The following RBM33 variants were observed in gnomAD, a reference collection of about 807,000 sequenced individuals.
RBM33 encodes the protein RNA-binding protein 33.
In RBM33, 28 loss-of-function variants were observed where a neutral mutation model predicts 132.6. The observed-to-expected ratio is 0.21, with a 90% CI of 0.16 to 0.29. The LOEUF (loss-of-function observed/expected upper bound fraction) is 0.29. Among genes scored for constraint, RBM33 ranks in the 10% least tolerant of loss-of-function variants. The pLI is 1.00. For synonymous variants in RBM33, 634 were observed against 593.0 expected (o/e 1.07, Z -1.01); for missense variants, 1,291 against 1,518.5 (o/e 0.85, Z 2.49).
chr7:155,777,778 G>A lies in RBM33; in HGVS notation c.*2737G>A, dbSNP rs1327928509. On this transcript the variant is annotated 3_prime_UTR_variant, in exon 18 of 18. Coordinates refer to ENST00000401878, the MANE Select transcript of RBM33 (RefSeq NM_053043.3). ...TAATGGATACAGTTCCACAGTTGTT[G>A]ATGTGTTTGTGTGTATATTCGATTT... is the stretch of plus-strand genomic sequence containing the variant. 1 of 152,626 alleles carries A rather than the reference G, an allele frequency of 6.6e-6. No individual in the cohort carries two copies. The highest frequency in any genetic ancestry group is 2.4e-5 in the African/African-American group (1 of 41,452). 9.5% of individuals were successfully genotyped at this position (152,626 alleles called of 1,614,324 possible).
In RBM33 at chr7:155,775,703, AT is replaced by A. The variant is rs911971089; in HGVS notation, c.*667del. 1.3e-5 allele frequency: 2 copies of A among 157,546 alleles called. No homozygotes were observed. Among genetic ancestry groups the A allele is most frequent in the Non-Finnish European group, 1.4e-5 (1 of 70,990 alleles). The allele number at this position is 157,546 out of a possible 1,614,324, so 9.8% of individuals were successfully genotyped here. A position where few individuals can be genotyped will look rare whatever the true frequency, so the allele number is the denominator to read the frequency against. On this transcript the variant is annotated 3_prime_UTR_variant, in exon 18 of 18. Coordinates refer to ENST00000401878, the MANE Select transcript of RBM33 (RefSeq NM_053043.3). The stretch of plus-strand genomic sequence containing the variant: ...CCTAGTTTCGATGAACTCCCCATTC[AT>A]TTTTAACACACTTCCCAGATAAGGC...
intron 1 of RBM33, among the ~76,000 whole-genome samples, chr7:155,648,620 ATTCT>A (rs1439682824): frequency 1.1e-5 from 1 of 93,920 alleles, no homozygotes; most frequent in African/African-American, 3.1e-5. Flanking sequence ...TGTGTATTTA[ATTCT>A]TTTTTTTTTT....
At chr7:155,754,744 G>C (rs760741646) in intron 14 of RBM33, among the ~76,000 whole-genome samples, 1 of 152,214 alleles carries the variant, frequency 6.6e-6, no homozygotes, top group Non-Finnish European at 1.5e-5. Context: ...ACTGTGCCAC[G>C]TTCTCACCAT....
intron 6 of RBM33, among the ~76,000 whole-genome samples, chr7:155,702,941 A>G (rs1001156714): frequency 2.6e-5 from 4 of 152,148 alleles, no homozygotes; most frequent in African/African-American, 4.8e-5. Flanking sequence ...GCTTTCCCCA[A>G]CTCTGTAGTC....
intron 2 of RBM33, among the ~76,000 whole-genome samples, chr7:155,670,846 ATTTTATAGTTGATACACTTAC>A: frequency 6.6e-6 from 1 of 152,242 alleles, no homozygotes; most frequent in Admixed American, 6.5e-5. Context: ...TTCTCTACTC[ATTTTATAGTTGATACACTTAC>A]TTATCTTTTT....
chr7:155,731,249 GT>G (rs1800948157), intron 9 of RBM33, among the ~76,000 whole-genome samples: 1 of 152,322 alleles, frequency 6.6e-6, no homozygotes, highest in African/African-American at 2.4e-5. Flanking sequence ...TTTATAAAGA[GT>G]CCTGCTGCAG....
At position 155,756,499 on chromosome 7, in the gene RBM33, A is replaced by G. The variant is rs183903656; in HGVS notation, c.2980-7313A>G. On this transcript the variant is annotated intron_variant, in intron 14 of 17. Transcript: ENST00000401878. ...CAAAATCAGGAAGTTGTTTTGGTAT[A>G]TGCAGTAAAAGGGAATTGAAAGCGT... Among the ~76,000 whole-genome samples, 3 of 152,354 alleles carry G rather than the reference A, an allele frequency of 2.0e-5. No homozygotes were observed. In the East Asian group the frequency reaches 5.8e-4, roughly 29 times the overall value.
intron 14 of RBM33, among the ~76,000 whole-genome samples, chr7:155,756,170 T>C (rs1585533658): frequency 6.6e-6 from 1 of 152,356 alleles, no homozygotes; most frequent in Non-Finnish European, 1.5e-5. Context: ...ACAACACTTA[T>C]ATGTGGATGT....
intron 1 of RBM33, among the ~76,000 whole-genome samples, chr7:155,662,089 C>G (rs942255381): frequency 6.6e-6 from 1 of 150,810 alleles, no homozygotes. Flanking sequence ...ACCCCTCCGC[C>G]GAAGCTTCTG....
intron 14 of RBM33, among the ~76,000 whole-genome samples, chr7:155,750,255 A>G (rs1801651331): frequency 6.6e-6 from 1 of 152,246 alleles, no homozygotes; most frequent in South Asian, 2.1e-4. Context: ...TAAGAAACCA[A>G]AAGAACAACC....
At chr7:155,725,114 A>C (rs1372512357) in intron 9 of RBM33, among the ~76,000 whole-genome samples, 1 of 150,568 alleles carries the variant, frequency 6.6e-6, no homozygotes, top group African/African-American at 2.4e-5. Context: ...TTCACAGATG[A>C]GATTTAAGAC....
intron 16 of RBM33, among the ~76,000 whole-genome samples, chr7:155,768,804 G>A (rs879657886): frequency 4.6e-5 from 7 of 152,076 alleles, no homozygotes; most frequent in Non-Finnish European, 7.4e-5. Context: ...TAGTAGAGAC[G>A]AGGTTTCACT....
In RBM33 at chr7:155,725,393, A is replaced by G. The variant is rs149830604; in HGVS notation, c.1260+6950A>G. ...GGCAAGCTGACTTTTGGAAAGATCA[A>G]ATTGCTTAAGTTCACACAACTGGGC... On this transcript the variant is annotated intron_variant, in intron 9 of 17. Transcript: ENST00000401878. 9.1e-3 allele frequency among the ~76,000 whole-genome samples: 1,380 copies of G among 152,174 alleles called. 8 individuals are homozygous for G. The highest frequency in any genetic ancestry group is 0.022 in the South Asian group (108 of 4,816).
intron 5 of RBM33, among the ~76,000 whole-genome samples, chr7:155,689,939 A>G (rs1799586102): frequency 6.6e-6 from 1 of 152,216 alleles, no homozygotes; most frequent in African/African-American, 2.4e-5. Context: ...AGAAGAATGT[A>G]TGTTCTGCTG....
chr7:155,739,839 C>T lies in RBM33; in HGVS notation c.1862C>T (p.Pro621Leu), dbSNP rs1563169583. 10 of 1,430,802 alleles carry T rather than the reference C, an allele frequency of 7.0e-6. No homozygotes were observed. Among genetic ancestry groups the T allele is most frequent in the African/African-American group, 1.5e-5 (1 of 68,560 alleles). The allele number at this position is 1,430,802 out of a possible 1,614,324, so 88.6% of individuals were successfully genotyped here. Residue 621 changes from proline (P) to leucine (L), a missense_variant, in exon 12 of 18, where the codon CCC (proline) becomes CTC (leucine). Physicochemically the swap from Pro to Leu is moderately conservative, Grantham distance 98. Around this residue, in one of 7 missense-constraint regions of RBM33, gnomAD observed 841 missense variants for 912.0 expected, o/e 0.92. Coordinates refer to ENST00000401878, the MANE Select transcript of RBM33 (RefSeq NM_053043.3). ...PPHQPPPQHQ[P>L]PPQHPPQHPP... ...CACCAGCCCCCGCCCCAGCACCAGC[C>T]CCCACCCCAGCACCCACCACAGCAC...
chr7:155,658,729 CTG>C (rs1798561963), intron 1 of RBM33, among the ~76,000 whole-genome samples: 1 of 152,184 alleles, frequency 6.6e-6, no homozygotes, highest in Non-Finnish European at 1.5e-5. Context: ...CTCTGCCAGT[CTG>C]TGATGTGACA....
chr7:155,673,744 A>G lies in RBM33; in HGVS notation c.171+829A>G, dbSNP rs115189090. ...TATACACACACATATATACATACAC[A>G]CGTGTATATACGCGCGCATGCGCGC... On this transcript the variant is annotated intron_variant, in intron 3 of 17. Transcript: ENST00000401878. 4.3e-3 allele frequency among the ~76,000 whole-genome samples: 546 copies of G among 126,128 alleles called. 39 individuals are homozygous for G. Among genetic ancestry groups the G allele is most frequent in the African/African-American group, 0.015 (498 of 34,044 alleles). The allele number at this position is 126,128 out of a possible 152,430, so 82.7% of individuals were successfully genotyped here. A position where few individuals can be genotyped will look rare whatever the true frequency, so the allele number is the denominator to read the frequency against.
At chr7:155,680,072 AT>A (rs1240174212) in intron 4 of RBM33, among the ~76,000 whole-genome samples, 1 of 152,078 alleles carries the variant, frequency 6.6e-6, no homozygotes, top group African/African-American at 2.4e-5. Context: ...TAATATTTTG[AT>A]TTTCTTAAAC....
chr7:155,722,588 T>C (rs992761282), intron 9 of RBM33, among the ~76,000 whole-genome samples: 3 of 152,236 alleles, frequency 2.0e-5, no homozygotes, highest in African/African-American at 4.8e-5. Context: ...ATCCATAAAG[T>C]ATATTTTCTA....
Sources: allele counts gnomAD v4.1 joint callset (sites outside exome capture counted in the v4.1 genomes callset), GRCh38; gene constraint gnomAD v4.1.1; regional missense constraint gnomAD v4.1.1; transcripts MANE v1.5; gene names NCBI Gene and HGNC (gene_info 2026-07-23, HGNC 2026-07-21).